Variants in SPOCK3 observed in about 807,000 individuals in gnomAD.
SPOCK3 encodes the protein testican-3.
In SPOCK3, 30 loss-of-function variants were observed where a neutral mutation model predicts 56.6. The observed-to-expected ratio is 0.53, with a 90% CI of 0.40 to 0.72. SPOCK3 has a LOEUF of 0.72. Ranked by LOEUF, SPOCK3 falls within the 30% of genes least tolerant of loss-of-function variation. The pLI is 0.00. For synonymous variants in SPOCK3, 196 were observed against 183.3 expected (o/e 1.07, Z -0.56); for missense variants, 527 against 530.0 (o/e 0.99, Z 0.06).
intron 3 of SPOCK3, among the ~76,000 whole-genome samples, chr4:167,003,889 T>A (rs1267910983): frequency 6.6e-6 from 1 of 152,094 alleles, no homozygotes; most frequent in Non-Finnish European, 1.5e-5. Flanking sequence ...GTGTAGGATC[T>A]CCCTCAATCT....
chr4:167,232,669 T>C (rs1737294713), intron 2 of SPOCK3, among the ~76,000 whole-genome samples: 1 of 152,242 alleles, frequency 6.6e-6, no homozygotes. Flanking sequence ...GGTATGCTTT[T>C]ATAAGGGCAT....
At chr4:166,836,006 T>TCA (rs796825201) in intron 6 of SPOCK3, among the ~76,000 whole-genome samples, 12 of 151,956 alleles carry the variant, frequency 7.9e-5, no homozygotes, top group South Asian at 2.1e-4. Context: ...AACTCTTGTC[T>TCA]CACACACACA....
chr4:167,172,810 A>G (rs1344069494), intron 2 of SPOCK3, among the ~76,000 whole-genome samples: 1 of 152,172 alleles, frequency 6.6e-6, no homozygotes, highest in Non-Finnish European at 1.5e-5. Context: ...CATTTTGGAA[A>G]GACATATCTG....
chr4:166,971,700 G>A (rs1436838427), intron 4 of SPOCK3, among the ~76,000 whole-genome samples: 2 of 151,920 alleles, frequency 1.3e-5, no homozygotes, highest in East Asian at 1.9e-4. Context: ...CTAACTCAAC[G>A]AATACTCCAA....
At chr4:166,765,251 A>T (rs1737843010) in intron 7 of SPOCK3, among the ~76,000 whole-genome samples, 1 of 152,150 alleles carries the variant, frequency 6.6e-6, no homozygotes, top group Non-Finnish European at 1.5e-5. Context: ...TTAGACATGA[A>T]GTCCTTGCCC....
chr4:166,926,909 G>GT (rs1442066524), intron 4 of SPOCK3, among the ~76,000 whole-genome samples: 11 of 151,990 alleles, frequency 7.2e-5, no homozygotes, highest in African/African-American at 1.4e-4. Context: ...CAACATTTCC[G>GT]TAAGGTGTGA....
intron 6 of SPOCK3, among the ~76,000 whole-genome samples, chr4:166,797,100 G>C (rs1270933331): frequency 6.6e-6 from 1 of 150,774 alleles, no homozygotes; most frequent in South Asian, 2.1e-4. Context: ...TTTATTACTT[G>C]TTGGACTCTT....
chr4:166,951,842 T>C (rs1742663789), intron 4 of SPOCK3, among the ~76,000 whole-genome samples: 1 of 152,046 alleles, frequency 6.6e-6, no homozygotes, highest in African/African-American at 2.4e-5. Flanking sequence ...CACATGATTA[T>C]CTCAATAGAT....
Position 167,072,088 on chromosome 4 carries a change from T to C in SPOCK3, c.190-9551A>G, listed in dbSNP as rs533545560. ...TGTTCTGAACACTTTACTCTCAATA[T>C]CTGCAAGAGGTAAGTGATTCTATCA... On this transcript the variant is annotated intron_variant, in intron 2 of 10. Coordinates refer to ENST00000357545, the MANE Select transcript of SPOCK3 (RefSeq NM_001040159.2). Among the ~76,000 whole-genome samples, 43 of 152,152 alleles carry C rather than the reference T, an allele frequency of 2.8e-4. 2 individuals are homozygous for C. Among genetic ancestry groups the C allele is most frequent in the African/African-American group, 7.9e-4 (33 of 41,550 alleles).
At chr4:167,215,635 C>T (rs1232898259) in intron 2 of SPOCK3, among the ~76,000 whole-genome samples, 2 of 152,076 alleles carry the variant, frequency 1.3e-5, no homozygotes, top group African/African-American at 4.8e-5. Flanking sequence ...AAAGAGGAAA[C>T]AAGGATCCGA....
chr4:167,163,300 T>C (rs1765486583), intron 2 of SPOCK3, among the ~76,000 whole-genome samples: 1 of 151,882 alleles, frequency 6.6e-6, no homozygotes, highest in African/African-American at 2.4e-5. Flanking sequence ...TTATTTAATT[T>C]TTAATTTTTA....
intron 2 of SPOCK3, among the ~76,000 whole-genome samples, chr4:167,205,757 C>T (rs991096007): frequency 2.7e-5 from 4 of 148,044 alleles, no homozygotes; most frequent in Non-Finnish European, 4.4e-5. Context: ...GGATTACAGG[C>T]GCGCCACCAT....
At chr4:166,816,102 A>G (rs1032504427) in intron 6 of SPOCK3, among the ~76,000 whole-genome samples, 1 of 152,058 alleles carries the variant, frequency 6.6e-6, no homozygotes, top group Non-Finnish European at 1.5e-5. Flanking sequence ...ATGAATGTAA[A>G]TAATTTCTGG....
intron 3 of SPOCK3, among the ~76,000 whole-genome samples, chr4:167,055,092 G>C (rs1445304345): frequency 1.3e-5 from 2 of 152,022 alleles, no homozygotes; most frequent in South Asian, 2.1e-4. Flanking sequence ...ATAAATATCA[G>C]TATAAAAATA....
chr4:166,971,280 G>T (rs1579849381), intron 4 of SPOCK3, among the ~76,000 whole-genome samples: 2 of 152,118 alleles, frequency 1.3e-5, no homozygotes, highest in East Asian at 3.9e-4. Context: ...TTCCCCCCAT[G>T]TTCCAATGTG....
At chr4:166,785,670 C>T (rs1201338365) in intron 7 of SPOCK3, among the ~76,000 whole-genome samples, 1 of 151,846 alleles carries the variant, frequency 6.6e-6, no homozygotes, top group Non-Finnish European at 1.5e-5. Flanking sequence ...CTATATTCCA[C>T]TTTCAAGGTT....
chr4:167,101,543 G>A (rs11939479), intron 2 of SPOCK3, among the ~76,000 whole-genome samples: 19,861 of 150,332 alleles, frequency 0.13, 1,501 homozygotes, highest in East Asian at 0.17. Flanking sequence ...TTACCAATAA[G>A]TGCTATGATC....
intron 3 of SPOCK3, among the ~76,000 whole-genome samples, chr4:167,028,514 C>G (rs1039215868): frequency 1.2e-4 from 18 of 151,890 alleles, no homozygotes; most frequent in African/African-American, 3.9e-4. Context: ...ACTTGAGGGC[C>G]CCTTATATTG....
In SPOCK3 at chr4:166,894,536, A is replaced by C. The variant is rs1227611041; in HGVS notation, c.475-5292T>G. On this transcript the variant is annotated intron_variant, in intron 5 of 10. Transcript: ENST00000357545. ...TATACTTCAAACTTTAGGCATTCAA[A>C]ATGGCATCTAGAAACTGGCAATTGT... Among the ~76,000 whole-genome samples, 3 of 152,302 alleles carry C rather than the reference A, an allele frequency of 2.0e-5. No homozygotes were observed. The East Asian group carries it at 5.8e-4, about 29-fold the overall frequency.
Sources: gnomAD v4.1 joint callset for allele counts (sites outside exome capture counted in the v4.1 genomes callset) on GRCh38, gnomAD v4.1.1 for gene constraint, MANE v1.5 for transcripts, NCBI Gene and HGNC (gene_info 2026-07-23, HGNC 2026-07-21) for gene names.